The following DENND4C variants were observed in gnomAD, a reference collection of about 807,000 sequenced individuals.
DENND4C encodes DENN domain-containing protein 4C.
Under a neutral mutation model 203.0 loss-of-function variants are expected in DENND4C, and 108 were observed. That is an observed-to-expected ratio of 0.53 (90% confidence interval 0.46 to 0.62). The LOEUF (loss-of-function observed/expected upper bound fraction) is 0.62, where lower values mean the gene tolerates loss of function less well. DENND4C is among the 20% of genes least tolerant of loss of function. DENND4C has a pLI of 0.00. For synonymous variants in DENND4C, 871 were observed against 792.4 expected, an observed-to-expected ratio of 1.10 and a Z score of -1.67; for missense variants, 2,481 against 2,301.2, an observed-to-expected ratio of 1.08 and a Z score of -1.60.
Position 19,336,342 on chromosome 9 carries a change from G to T in DENND4C, c.2662G>T (p.Val888Leu), listed in dbSNP as rs1820466912. ...IFLWTKVRNVVRGLAQFRQPL... is the reference protein window; with the variant it reads ...IFLWTKVRNVLRGLAQFRQPL... ...CTTATGGACGAAGGTACGGAATGTG[G>T]TACGTGGCTTGGCACAGTTTAGGCA... is the stretch of plus-strand genomic sequence containing the variant. The change falls in exon 19 of 33, where the codon GTA becomes TTA. Residue 888 changes from valine (V) to leucine (L), a missense_variant. Transcript: ENST00000434457. 1.2e-6 allele frequency: 2 copies of T among 1,613,894 alleles called. No homozygotes were observed. Among genetic ancestry groups the T allele is most frequent in the African/African-American group, 2.7e-5 (2 of 74,886 alleles).
At chr9:19,284,690 C>T (rs1834841709) in intron 2 of DENND4C, among the ~76,000 whole-genome samples, 1 of 151,952 alleles carries the variant, frequency 6.6e-6, no homozygotes, top group African/African-American at 2.4e-5. Flanking sequence ...TTAATCATTG[C>T]TCCATAAGTT....
chr9:19,271,261 G>A (rs1043200955), intron 1 of DENND4C, among the ~76,000 whole-genome samples: 10 of 148,596 alleles, frequency 6.7e-5, no homozygotes, highest in South Asian at 6.4e-4. Flanking sequence ...ATGCAGTGGC[G>A]CAATCCTGGC....
intron 10 of DENND4C, among the ~76,000 whole-genome samples, chr9:19,312,299 C>T (rs1840896941): frequency 6.6e-6 from 1 of 152,014 alleles, no homozygotes; most frequent in Non-Finnish European, 1.5e-5. Context: ...GATGGGGTTT[C>T]ACCATGTTGG....
intron 10 of DENND4C, among the ~76,000 whole-genome samples, chr9:19,312,152 GGAGTGTAGTGGCGC>G (rs1160280512): frequency 6.6e-6 from 1 of 152,136 alleles, no homozygotes; most frequent in Admixed American, 6.5e-5. Context: ...CGCCCAGGCT[GGAGTGTAGTGGCGC>G]GATCTTGGCT....
chr9:19,278,755 A>G (rs1460304265), intron 2 of DENND4C, among the ~76,000 whole-genome samples: 1 of 152,098 alleles, frequency 6.6e-6, no homozygotes, highest in Non-Finnish European at 1.5e-5. Flanking sequence ...TCAAGTCAGT[A>G]TAGTTAGGAT....
chr9:19,294,399 A>C (rs7037101), intron 5 of DENND4C, among the ~76,000 whole-genome samples: 8,803 of 152,208 alleles, frequency 0.058, 813 homozygotes, highest in African/African-American at 0.2. Context: ...TCATACAAGG[A>C]AAGGGTGTGG....
At position 19,358,094 on chromosome 9, in the gene DENND4C, C is replaced by G. The variant is rs137894254; in HGVS notation, c.5094C>G (p.Asp1698Glu). Residue 1698 changes from aspartate (D) to glutamate (E), a missense_variant, in exon 28 of 33, where the codon GAC becomes GAG. Physicochemically the swap from Asp to Glu is conservative, Grantham distance 45. Transcript: ENST00000434457. This position sits in a 1 kb window ranked among gnomAD's most constrained non-coding sequence, Gnocchi z 4.8. ...HSVGGPLQNI[D>E]FTQRPFHGIS... ...TTGGAGGCCCATTGCAGAATATTGA[C>G]TTTACCCAGCGACCGTTTCATGGCA... is the stretch of plus-strand genomic sequence containing the variant. 2.5e-6 allele frequency: 4 copies of G among 1,613,968 alleles called. No homozygotes were observed. The highest frequency in any genetic ancestry group is 1.7e-5 in the Admixed American group (1 of 60,020).
At chr9:19,349,414 C>G (rs1265134073) in intron 23 of DENND4C, among the ~76,000 whole-genome samples, 3 of 152,016 alleles carry the variant, frequency 2.0e-5, no homozygotes, top group African/African-American at 7.2e-5. Context: ...CCTTGCCTCC[C>G]CAAAAATTAT....
chr9:19,256,770 A>G (rs896220350), intron 1 of DENND4C, among the ~76,000 whole-genome samples: 1 of 152,064 alleles, frequency 6.6e-6, no homozygotes, highest in Non-Finnish European at 1.5e-5. Flanking sequence ...AATATTTTTT[A>G]AAAAAGGAAA....
At position 19,328,040 on chromosome 9, in the gene DENND4C, T is replaced by G. The variant is rs763514913; in HGVS notation, c.2131T>G (p.Phe711Val). The change falls in exon 16 of 33, where the codon TTT (phenylalanine) becomes GTT (valine). Residue 711 changes from phenylalanine (F) to valine (V), a missense_variant. Transcript: ENST00000434457. ...TTTTTTTTATTTTAGTTACAAATAC[T>G]TTCCAAGACTGGACCTTAAGCTTTT... ...DLSPKYSYKY[F>V]PRLDLKLFDR... 8.1e-6 allele frequency: 13 copies of G among 1,595,162 alleles called. No homozygotes were observed. Among genetic ancestry groups the G allele is most frequent in the Non-Finnish European group, 6.8e-6 (8 of 1,174,982 alleles).
chr9:19,356,352 A>G (rs1825394926), intron 26 of DENND4C, among the ~76,000 whole-genome samples: 1 of 152,170 alleles, frequency 6.6e-6, no homozygotes, highest in African/African-American at 2.4e-5. Flanking sequence ...TACCATTTGA[A>G]GAATAAATGC....
intron 30 of DENND4C, among the ~76,000 whole-genome samples, chr9:19,369,172 GA>G (rs1337296128): frequency 6.6e-6 from 1 of 151,798 alleles, no homozygotes; most frequent in African/African-American, 2.4e-5. Context: ...TTTTAAAAAA[GA>G]AAAAAAGTTA....
intron 16 of DENND4C, among the ~76,000 whole-genome samples, chr9:19,329,333 G>A (rs555637571): frequency 9.9e-5 from 15 of 152,220 alleles, no homozygotes; most frequent in Admixed American, 3.9e-4. Flanking sequence ...TTTTGTGACT[G>A]GCATCTTTCA....
intron 12 of DENND4C, 118 bp from the exon 13 acceptor site, chr9:19,324,244 T>C (rs1404291235): frequency 1.0e-5 from 6 of 594,112 alleles, no homozygotes; most frequent in Non-Finnish European, 1.5e-5. Context: ...TTTTTAAATA[T>C]GGATATATAT....
At chr9:19,288,719 A>C (rs937400896) in intron 4 of DENND4C, 54 bp downstream of exon 4, 3 of 1,000,508 alleles carry the variant, frequency 3.0e-6, no homozygotes, top group Non-Finnish European at 3.9e-6. Context: ...GTGCATATTA[A>C]CATTTGGCTA....
At chr9:19,292,934 A>G (rs1216286830) in intron 5 of DENND4C, among the ~76,000 whole-genome samples, 1 of 152,212 alleles carries the variant, frequency 6.6e-6, no homozygotes, top group Non-Finnish European at 1.5e-5. Flanking sequence ...GAAACAAAAT[A>G]CATCTGTGAC....
At chr9:19,360,107 C>T in intron 28 of DENND4C, 137 bp from the exon 29 acceptor site, 1 of 829,526 alleles carries the variant, frequency 1.2e-6, no homozygotes, top group East Asian at 2.7e-5. Context: ...CATTCATTAG[C>T]ATATTCTCTT....
intron 12 of DENND4C, among the ~76,000 whole-genome samples, chr9:19,318,878 T>A (rs1336605635): frequency 1.3e-5 from 2 of 152,064 alleles, no homozygotes; most frequent in Non-Finnish European, 2.9e-5. Flanking sequence ...ACTTAATATA[T>A]AAATTTTGGG....
At chr9:19,301,346 C>A (rs1346498340) in intron 9 of DENND4C, among the ~76,000 whole-genome samples, 1 of 152,138 alleles carries the variant, frequency 6.6e-6, no homozygotes, top group East Asian at 1.9e-4. Context: ...ATGTAAGTCT[C>A]CTGGGAGTAA....
Sources: allele counts gnomAD v4.1 joint callset (sites outside exome capture counted in the v4.1 genomes callset), GRCh38; gene constraint gnomAD v4.1.1; non-coding constraint Gnocchi (gnomAD v3.1); transcripts MANE v1.5; gene names NCBI Gene and HGNC (gene_info 2026-07-23, HGNC 2026-07-21).